CNPY2: variants seen among roughly 807,000 people sequenced by gnomAD.
CNPY2 encodes the protein protein canopy homolog 2.
Under a neutral mutation model 25.5 loss-of-function variants are expected in CNPY2, and 19 were observed. The ratio of observed to expected loss-of-function variants is 0.74; its 90% CI spans 0.52 to 1.09. CNPY2 has a LOEUF of 1.09. Ranked by LOEUF, CNPY2 falls within the 50% of genes least tolerant of loss-of-function variation. CNPY2 has a pLI of 0.00. For missense variants in CNPY2, 214 were observed against 233.6 expected, an observed-to-expected ratio of 0.92 and a Z score of 0.55; for synonymous variants, 82 against 85.0, an observed-to-expected ratio of 0.96 and a Z score of 0.19.
At chr12:56,314,382 G>T in intron 3 of CNPY2, 1 of 974,964 alleles carries the variant, frequency 1.0e-6, no homozygotes, top group Non-Finnish European at 1.2e-6. Context: ...ATGATGCCCA[G>T]GCTAGCACTG....
chr12:56,312,120 C>T lies in CNPY2; in HGVS notation c.205-706G>A, dbSNP rs531664109. ...GTCTCGATCTCCTGACCTAGTGATC[C>T]GCCCACCTTGGCCTCCCCAGGTGCT... On this transcript the variant is annotated intron_variant, in intron 3 of 5. Coordinates refer to ENST00000273308, the MANE Select transcript of CNPY2 (RefSeq NM_014255.7). Among the ~76,000 whole-genome samples the T allele has an allele frequency of 3.9e-5, 6 of 152,042 alleles. No individual in the cohort carries two copies. In the East Asian group the frequency reaches 5.8e-4, roughly 15 times the overall value.
chr12:56,314,729 A>G, intron 3 of CNPY2, 122 bp downstream of exon 3: 1 of 1,548,466 alleles, frequency 6.5e-7, no homozygotes, highest in Non-Finnish European at 8.7e-7. Context: ...AATGAGACAG[A>G]GCCAAATCTT....
upstream of CNPY2, chr12:56,316,098 A>C (rs1273071942): frequency 6.5e-6 from 1 of 152,794 alleles, no homozygotes; most frequent in East Asian, 1.9e-4. Context: ...CTCTCGCGCG[A>C]ACAGGCAGCT....
intron 3 of CNPY2, 139 bp from the exon 4 acceptor site, chr12:56,311,553 T>C: frequency 1.1e-6 from 1 of 923,400 alleles, no homozygotes; most frequent in East Asian, 2.6e-5. Flanking sequence ...TAGTTTTGTT[T>C]GTTTGTTTGT....
In CNPY2 at chr12:56,311,002, C is replaced by T. The variant is rs199561924; in HGVS notation, c.461G>A (p.Arg154Gln). Residue 154 changes from arginine to glutamine, a missense_variant, in exon 5 of 6, where the codon CGA (arginine) becomes CAA (glutamine). Transcript: ENST00000273308. ...YEDELIEFFS[R>Q]EADNVKDKLC... ...TTTGTCTTTAACATTGTCAGCCTCT[C>T]GGGAAAAGAATTCAATGAGTTCATC... The T allele has an allele frequency of 1.5e-5, 25 of 1,614,158 alleles. No individual in the cohort carries two copies. In the East Asian group the frequency reaches 1.8e-4, roughly 12 times the overall value.
At chr12:56,311,447 TCTA>T (rs1873714424) in intron 3 of CNPY2, 33 bp from the exon 4 acceptor site, 2 of 1,589,786 alleles carry the variant, frequency 1.3e-6, no homozygotes, top group East Asian at 4.5e-5. Flanking sequence ...GTCACTCTCT[TCTA>T]CCTCTGTACA....
At position 56,310,003 on chromosome 12, in the gene CNPY2, T is replaced by G; in HGVS notation, c.*549A>C. ...TTGGTCACATCCATTTTCCCCTTCC[T>G]GTCTCTGTTCTTGCTGGTCCCTCCA... is the stretch of plus-strand genomic sequence containing the variant. On this transcript the variant is annotated 3_prime_UTR_variant, in exon 6 of 6. Coordinates refer to ENST00000273308, the MANE Select transcript of CNPY2 (RefSeq NM_014255.7). 1.4e-6 allele frequency: 1 copy of G among 702,330 alleles called. No homozygotes were observed. Among genetic ancestry groups the G allele is most frequent in the Non-Finnish European group, 2.6e-6 (1 of 384,792 alleles). The allele number at this position is 702,330 out of a possible 1,614,324, so 43.5% of individuals were successfully genotyped here.
intron 1 of CNPY2, among the ~76,000 whole-genome samples, chr12:56,315,471 A>C (rs1228398267): frequency 6.6e-6 from 1 of 152,078 alleles, no homozygotes; most frequent in East Asian, 1.9e-4. Context: ...TCAGCCCCAG[A>C]CTCTACGTGG....
At chr12:56,314,662 A>G (rs1873831137) in intron 3 of CNPY2, 189 bp downstream of exon 3, 1 of 1,445,494 alleles carries the variant, frequency 6.9e-7, no homozygotes, top group Non-Finnish European at 9.1e-7. Flanking sequence ...GAAACAAAGT[A>G]TTAAGGTTTG....
chr12:56,310,823 C>A (rs917219861), intron 5 of CNPY2, 135 bp downstream of exon 5: 5 of 904,920 alleles, frequency 5.5e-6, no homozygotes, highest in African/African-American at 1.7e-5. Context: ...CACCCCAAGT[C>A]CCTAAGCCAA....
At chr12:56,311,575 G>A in intron 3 of CNPY2, 161 bp from the exon 4 acceptor site, 1 of 806,094 alleles carries the variant, frequency 1.2e-6, no homozygotes, top group East Asian at 2.7e-5. Context: ...TTTTGAGATG[G>A]GGTTTTGCTC....
rs1873924788 is a variant in CNPY2, at chr12:56,315,967, C to T, written c.-172G>A. The stretch of plus-strand genomic sequence containing the variant: ...AGAGCGCTTCGCCGCCTGCCACACA[C>T]GGGGTGTCCCGGCGACCGCCTGACC... On this transcript the variant is annotated 5_prime_UTR_variant, in exon 1 of 6. The change creates a new upstream start codon in the 5' untranslated region. Coordinates refer to ENST00000273308, the MANE Select transcript of CNPY2 (RefSeq NM_014255.7). 1 of 152,444 alleles carries T rather than the reference C, an allele frequency of 6.6e-6. No individual in the cohort carries two copies. The highest frequency in any genetic ancestry group is 2.4e-5 in the African/African-American group (1 of 41,470). 9.4% of individuals were successfully genotyped at this position (152,444 alleles called of 1,614,324 possible).
chr12:56,315,189 A>G lies in CNPY2; in HGVS notation c.29T>C (p.Leu10Pro). 2 of 1,614,098 alleles carry G rather than the reference A, an allele frequency of 1.2e-6. No homozygotes were observed. Among genetic ancestry groups the G allele is most frequent in the Non-Finnish European group, 1.7e-6 (2 of 1,179,990 alleles). MKGWGWLAL[L>P]LGALLGTAWA... Reference sequence around the variant, plus strand: ...GGCGGTTCCCAGCAGGGCCCCCAGAAGCAGGGCCAGCCAACCCCAGCCTTT... The same window carrying G: ...GGCGGTTCCCAGCAGGGCCCCCAGAGGCAGGGCCAGCCAACCCCAGCCTTT... The change falls in exon 2 of 6, where the codon CTT (leucine) becomes CCT (proline). Residue 10 changes from leucine (L) to proline (P), a missense_variant. Transcript: ENST00000273308.
chr12:56,314,547 A>G, intron 3 of CNPY2: 1 of 1,202,330 alleles, frequency 8.3e-7, no homozygotes, highest in African/African-American at 1.5e-5. Flanking sequence ...CAGATTTTGA[A>G]CGGATGTTTG....
intron 5 of CNPY2, among the ~76,000 whole-genome samples, 180 bp from the exon 6 acceptor site, chr12:56,310,775 G>A (rs1415016068): frequency 6.6e-6 from 1 of 152,290 alleles, no homozygotes; most frequent in South Asian, 2.1e-4. Flanking sequence ...GGGTCAAGGG[G>A]ACACAAATTC....
chr12:56,309,928 TC>T lies in CNPY2; in HGVS notation c.*623del, dbSNP rs1592420142. The T allele has an allele frequency of 1.4e-6, 1 of 702,302 alleles. No individual in the cohort carries two copies. The highest frequency in any genetic ancestry group is 2.7e-5 in the East Asian group (1 of 37,282). 43.5% of individuals were successfully genotyped at this position (702,302 alleles called of 1,614,324 possible). Reference sequence around the variant, plus strand: ...AGCAAGGCCTCTCATTAAACAACCTTCCTTACCTCGTCTGTCCCTATCCGAT... The same window carrying T: ...AGCAAGGCCTCTCATTAAACAACCTTCTTACCTCGTCTGTCCCTATCCGAT... On this transcript the variant is annotated 3_prime_UTR_variant, in exon 6 of 6. Transcript: ENST00000273308.
chr12:56,313,077 A>G (rs1028958388), intron 3 of CNPY2, among the ~76,000 whole-genome samples: 1 of 152,096 alleles, frequency 6.6e-6, no homozygotes, highest in Non-Finnish European at 1.5e-5. Context: ...GGTTTGCTAC[A>G]CCCATCAACC....
In CNPY2 at chr12:56,315,171, C is replaced by T. The variant is rs776375448; in HGVS notation, c.47G>A (p.Gly16Glu). 3.1e-6 allele frequency: 5 copies of T among 1,614,012 alleles called. No homozygotes were observed. In the African/African-American group the frequency reaches 6.7e-5, roughly 22 times the overall value. ...WLALLLGALLGTAWARRSQDL... is the reference protein window; with the variant it reads ...WLALLLGALLETAWARRSQDL... ...CTGGCTCCTCCGAGCCCAGGCGGTT[C>T]CCAGCAGGGCCCCCAGAAGCAGGGC... The change falls in exon 2 of 6, where the codon GGA becomes GAA. Residue 16 changes from glycine to glutamate, a missense_variant. Physicochemically the swap from Gly to Glu is moderately conservative, Grantham distance 98 (BLOSUM62 -2). Coordinates refer to ENST00000273308, the MANE Select transcript of CNPY2 (RefSeq NM_014255.7).
intron 1 of CNPY2, 132 bp from the exon 2 acceptor site, chr12:56,315,374 G>C: frequency 1.6e-6 from 1 of 619,874 alleles, no homozygotes; most frequent in South Asian, 2.0e-5. Context: ...AAATGGCCGG[G>C]ACACAAAGGG....
Sources: gnomAD v4.1 joint callset for allele counts (sites outside exome capture counted in the v4.1 genomes callset) on GRCh38, gnomAD v4.1.1 for gene constraint, MANE v1.5 for transcripts, NCBI Gene and HGNC (gene_info 2026-07-23, HGNC 2026-07-21) for gene names.